SEMA3A: variants seen among roughly 807,000 people sequenced by gnomAD.
SEMA3A encodes semaphorin 3A, also known as semaphorin-3A.
In SEMA3A, 29 loss-of-function variants were observed where a neutral mutation model predicts 97.9. The ratio of observed to expected loss-of-function variants is 0.30; its 90% CI spans 0.22 to 0.40. The LOEUF is 0.40. Among genes scored for constraint, SEMA3A ranks in the 10% least tolerant of loss-of-function variants. SEMA3A has a pLI of 1.00. For synonymous variants in SEMA3A, 321 were observed against 323.7 expected (o/e 0.99, Z 0.09); for missense variants, 763 against 951.3 (o/e 0.80, Z 2.60).
At chr7:84,062,595 T>A (rs935339643) in intron 4 of SEMA3A, among the ~76,000 whole-genome samples, 4 of 152,182 alleles carry the variant, frequency 2.6e-5, no homozygotes, top group Non-Finnish European at 5.9e-5. Flanking sequence ...GGCGAGGCAT[T>A]GCCTCACTTG....
intron 3 of SEMA3A, among the ~76,000 whole-genome samples, chr7:84,123,826 T>TGA (rs368483688): frequency 5.3e-5 from 8 of 149,732 alleles, no homozygotes; most frequent in African/African-American, 2.0e-4. Context: ...TATATATATA[T>TGA]GAGAGAGAGA....
intron 1 of SEMA3A, among the ~76,000 whole-genome samples, chr7:84,147,055 C>T (rs1796484321): frequency 6.6e-6 from 1 of 152,088 alleles, no homozygotes; most frequent in Non-Finnish European, 1.5e-5. Context: ...TTCAAATAAC[C>T]ATATTTCACA....
intron 1 of SEMA3A, among the ~76,000 whole-genome samples, chr7:84,480,189 C>T (rs1265617950): frequency 6.6e-6 from 1 of 152,142 alleles, no homozygotes; most frequent in Non-Finnish European, 1.5e-5. Context: ...TCAGGCAGGG[C>T]TCTGGGGTTT....
chr7:84,213,915 C>A (rs1584132398), intron 3 of SEMA3A, among the ~76,000 whole-genome samples: 1 of 152,198 alleles, frequency 6.6e-6, no homozygotes, highest in East Asian at 1.9e-4. Flanking sequence ...CTATGGCCCT[C>A]AACACGACAT....
At chr7:84,278,706 G>A (rs552333992) in intron 3 of SEMA3A, among the ~76,000 whole-genome samples, 5 of 152,010 alleles carry the variant, frequency 3.3e-5, no homozygotes, top group Non-Finnish European at 5.9e-5. Context: ...ATGTTGAGGA[G>A]GCGCCTCACT....
chr7:84,476,057 T>A (rs896800200), intron 1 of SEMA3A, among the ~76,000 whole-genome samples: 3 of 152,102 alleles, frequency 2.0e-5, no homozygotes, highest in Non-Finnish European at 4.4e-5. Context: ...TAAAGAAAGT[T>A]GTTTAAAAAT....
At chr7:84,251,950 G>A (rs1473238595) in intron 3 of SEMA3A, among the ~76,000 whole-genome samples, 2 of 152,138 alleles carry the variant, frequency 1.3e-5, no homozygotes, top group Non-Finnish European at 2.9e-5. Flanking sequence ...ATTGAGACTA[G>A]AGAATTTGGA....
chr7:84,194,192 G>T (rs1017427529), intron 1 of SEMA3A, among the ~76,000 whole-genome samples: 2 of 152,130 alleles, frequency 1.3e-5, no homozygotes, highest in Non-Finnish European at 2.9e-5. Flanking sequence ...ACAGGCATAA[G>T]ATAGGATAAT....
intron 2 of SEMA3A, among the ~76,000 whole-genome samples, chr7:84,359,120 T>C (rs1802646435): frequency 6.6e-6 from 1 of 152,188 alleles, no homozygotes; most frequent in South Asian, 2.1e-4. Flanking sequence ...CCTAATTGAA[T>C]ACCCTTTATT....
intron 3 of SEMA3A, among the ~76,000 whole-genome samples, chr7:84,118,722 G>A (rs952320917): frequency 6.6e-6 from 1 of 152,180 alleles, no homozygotes; most frequent in East Asian, 1.9e-4. Flanking sequence ...GTGGGTCTCA[G>A]TTCTCCTTGC....
chr7:84,050,137 C>G (rs898472001), intron 5 of SEMA3A, among the ~76,000 whole-genome samples: 23 of 151,686 alleles, frequency 1.5e-4, no homozygotes, highest in African/African-American at 5.1e-4. Context: ...GGGTTGGTTC[C>G]AAGTCTTTGT....
intron 3 of SEMA3A, among the ~76,000 whole-genome samples, chr7:84,245,442 G>T (rs914486892): frequency 6.6e-6 from 1 of 151,706 alleles, no homozygotes; most frequent in Admixed American, 6.6e-5. Context: ...GGCTCCATCA[G>T]GTCATTTATG....
intron 9 of SEMA3A, among the ~76,000 whole-genome samples, chr7:84,007,698 A>G (rs1790723738): frequency 6.6e-6 from 1 of 152,222 alleles, no homozygotes; most frequent in South Asian, 2.1e-4. Context: ...TTTCTTAAAA[A>G]TAGAAGGCAT....
At position 84,022,249 on chromosome 7, in the gene SEMA3A, T is replaced by G. The variant is rs867636349; in HGVS notation, c.668-7898A>C. ...TACGGAAAAGGTTTACCAATATCTA[T>G]TCAGATTGACCTACTTTATTAATTC... On this transcript the variant is annotated intron_variant, in intron 6 of 16. Coordinates refer to ENST00000265362, the MANE Select transcript of SEMA3A (RefSeq NM_006080.3). Among the ~76,000 whole-genome samples the G allele has an allele frequency of 2.6e-4, 40 of 152,268 alleles. No individual in the cohort carries two copies. In the Middle Eastern group the frequency reaches 0.014, roughly 52 times the overall value.
At chr7:84,096,350 A>G (rs568759735) in intron 4 of SEMA3A, among the ~76,000 whole-genome samples, 1 of 152,216 alleles carries the variant, frequency 6.6e-6, no homozygotes, top group South Asian at 2.1e-4. Context: ...ATAGTATTTT[A>G]TAAACTTATT....
chr7:84,066,367 G>A lies in SEMA3A; in HGVS notation c.454-5809C>T, dbSNP rs567459561. On this transcript the variant is annotated intron_variant, in intron 4 of 16. Coordinates refer to ENST00000265362, the MANE Select transcript of SEMA3A (RefSeq NM_006080.3). ...TCCCTTTGAAGACTGGCACAATACA[G>A]GGATGCCCTCTCTCACCACTCCTAT... 5.7e-3 allele frequency among the ~76,000 whole-genome samples: 865 copies of A among 151,104 alleles called. 5 individuals carry two copies. Among genetic ancestry groups the A allele is most frequent in the Middle Eastern group, 0.031 (9 of 294 alleles).
At chr7:84,220,708 A>G (rs906245642) in intron 3 of SEMA3A, among the ~76,000 whole-genome samples, 2 of 152,114 alleles carry the variant, frequency 1.3e-5, no homozygotes, top group Admixed American at 1.3e-4. Context: ...GCTGAAAGGA[A>G]TCTTGTTTTC....
intron 1 of SEMA3A, among the ~76,000 whole-genome samples, chr7:84,136,482 T>C (rs1215410952): frequency 1.3e-5 from 2 of 152,220 alleles, no homozygotes; most frequent in African/African-American, 4.8e-5. Flanking sequence ...AACCATGCAC[T>C]GTGCTCATTC....
At chr7:83,994,874 C>T (rs1486469414) in intron 12 of SEMA3A, among the ~76,000 whole-genome samples, 1 of 152,138 alleles carries the variant, frequency 6.6e-6, no homozygotes, top group Non-Finnish European at 1.5e-5. Context: ...GCTTTGTTTA[C>T]CTAATCAAGC....
Sources: allele counts gnomAD v4.1 joint callset (sites outside exome capture counted in the v4.1 genomes callset), GRCh38; gene constraint gnomAD v4.1.1; transcripts MANE v1.5; gene names NCBI Gene and HGNC (gene_info 2026-07-23, HGNC 2026-07-21).